HBEGF: variants seen among roughly 807,000 people sequenced by gnomAD.
HBEGF encodes proheparin-binding EGF-like growth factor.
HBEGF carries 8 observed loss-of-function variants against 19.5 expected under a neutral mutation model. That is an observed-to-expected ratio of 0.41 (90% confidence interval 0.24 to 0.74). HBEGF has a LOEUF of 0.74. HBEGF is among the 30% of genes least tolerant of loss of function. The probability of loss-of-function intolerance (pLI) is 0.32; values close to 1 mark genes in which losing one functional copy is unlikely to be tolerated. For synonymous variants in HBEGF, 97 were observed against 108.9 expected (o/e 0.89, Z 0.68); for missense variants, 207 against 256.9 (o/e 0.81, Z 1.33).
chr5:140,346,251 C>A lies in HBEGF; in HGVS notation c.46+32G>T. 6.3e-7 allele frequency: 1 copy of A among 1,590,650 alleles called. No individual in the cohort carries two copies. The highest frequency in any genetic ancestry group is 8.5e-7 in the Non-Finnish European group (1 of 1,169,902). On this transcript the variant is annotated intron_variant, in intron 1 of 5. Coordinates refer to ENST00000230990, the MANE Select transcript of HBEGF (RefSeq NM_001945.3). This position sits in a 1 kb window ranked among gnomAD's most constrained non-coding sequence, Gnocchi z 6.1. ...CCCCCAGCACAACGCCCCCATCCCC[C>A]CGATCTCCGGGGGCGTCGGCAGCCC...
At chr5:140,344,723 G>A (rs879519719) in intron 2 of HBEGF, among the ~76,000 whole-genome samples, 2 of 151,786 alleles carry the variant, frequency 1.3e-5, no homozygotes, top group Non-Finnish European at 2.9e-5. Flanking sequence ...CCAGAGCTTC[G>A]GGGAGAGCAA....
At chr5:140,338,654 T>G (rs561712698) in intron 3 of HBEGF, among the ~76,000 whole-genome samples, 6 of 152,314 alleles carry the variant, frequency 3.9e-5, no homozygotes, top group Middle Eastern at 6.8e-3. Flanking sequence ...CCCCTCCCTT[T>G]GCAGACAACT....
chr5:140,333,722 A>G lies in HBEGF; in HGVS notation c.*577T>C, dbSNP rs1420089083. ...ATAATTTAAGAGGCATTTACAAACAACAACAACAAAAATAGTTGTTATTTT... is the reference window on the plus strand; with the variant it reads ...ATAATTTAAGAGGCATTTACAAACAGCAACAACAAAAATAGTTGTTATTTT... On this transcript the variant is annotated 3_prime_UTR_variant, in exon 6 of 6. Transcript: ENST00000230990. 4.6e-5 allele frequency: 7 copies of G among 152,680 alleles called. No homozygotes were observed. The highest frequency in any genetic ancestry group is 1.0e-4 in the Non-Finnish European group (7 of 68,056). 9.5% of individuals were successfully genotyped at this position (152,680 alleles called of 1,614,324 possible). A position where few individuals can be genotyped will look rare whatever the true frequency, so the allele number is the denominator to read the frequency against.
chr5:140,345,976 G>T lies in HBEGF; in HGVS notation c.155C>A (p.Pro52His). 1 of 1,614,186 alleles carries T rather than the reference G, an allele frequency of 6.2e-7. No individual in the cohort carries two copies. Among genetic ancestry groups the T allele is most frequent in the Non-Finnish European group, 8.5e-7 (1 of 1,180,024 alleles). ...TTTCCGGTCCCGGCCGCCTCCTAGG[G>T]GTAGCAGCTGGTCCGTGGATACAGT... ...PPTVSTDQLL[P>H]LGGGRDRKVR... Residue 52 changes from proline to histidine, a missense_variant, in exon 2 of 6, where the codon CCC becomes CAC. This residue lies in a region of HBEGF where 127 missense variants were observed against 132.7 expected (regional missense o/e 0.96). Transcript: ENST00000230990.
rs952370052 is a variant in HBEGF, at chr5:140,334,016, C to T, written c.*283G>A. On this transcript the variant is annotated 3_prime_UTR_variant, in exon 6 of 6. Transcript: ENST00000230990. ...TCCAGAAGATAAGTGTTTAAACAAA[C>T]TTATGAGGGGAAGTGGGGTTTGGTG... 2.3e-4 allele frequency: 35 copies of T among 152,298 alleles called. No individual in the cohort carries two copies. The highest frequency in any genetic ancestry group is 8.2e-4 in the African/African-American group (34 of 41,314). 9.4% of individuals were successfully genotyped at this position (152,298 alleles called of 1,614,324 possible).
intron 2 of HBEGF, among the ~76,000 whole-genome samples, chr5:140,344,191 C>T (rs1338064850): frequency 6.6e-6 from 1 of 151,766 alleles, no homozygotes; most frequent in Non-Finnish European, 1.5e-5. Context: ...GTGACTTACT[C>T]AAGGTCATGC....
intron 3 of HBEGF, among the ~76,000 whole-genome samples, chr5:140,337,812 G>A (rs1222512906): frequency 1.3e-5 from 2 of 152,280 alleles, no homozygotes; most frequent in East Asian, 3.9e-4. Flanking sequence ...AGGCCTAAAA[G>A]CGACCCCTAT....
chr5:140,334,610 A>G, intron 5 of HBEGF, 48 bp downstream of exon 5: 1 of 1,301,192 alleles, frequency 7.7e-7, no homozygotes, highest in Admixed American at 1.7e-5. Context: ...ACAGCCAGGA[A>G]AGGGGACAAA....
At chr5:140,334,445 C>T (rs1029344151) in intron 5 of HBEGF, among the ~76,000 whole-genome samples, 165 bp from the exon 6 acceptor site, 2 of 152,126 alleles carry the variant, frequency 1.3e-5, no homozygotes, top group Non-Finnish European at 2.9e-5. Flanking sequence ...GTGGGAGAAG[C>T]TGTCCTCTCA....
intron 2 of HBEGF, among the ~76,000 whole-genome samples, chr5:140,345,252 T>C (rs1193690027): frequency 3.3e-5 from 5 of 152,208 alleles, no homozygotes; most frequent in Non-Finnish European, 7.3e-5. Flanking sequence ...AAGAGGCTGG[T>C]TGGAGGATCC....
chr5:140,333,587 GA>G lies in HBEGF; in HGVS notation c.*711del, dbSNP rs1766184946. ...TGGCACTAAGCCAGATTGTGGGGATGAGGAGTGGAGGGCCAGGAAATTGCCA... is the reference window on the plus strand; with the variant it reads ...TGGCACTAAGCCAGATTGTGGGGATGGGAGTGGAGGGCCAGGAAATTGCCA... On this transcript the variant is annotated 3_prime_UTR_variant, in exon 6 of 6. Transcript: ENST00000230990. 6.5e-6 allele frequency: 1 copy of G among 152,698 alleles called. No homozygotes were observed. Among genetic ancestry groups the G allele is most frequent in the Non-Finnish European group, 1.5e-5 (1 of 68,054 alleles). The allele number at this position is 152,698 out of a possible 1,614,324, so 9.5% of individuals were successfully genotyped here. A position where few individuals can be genotyped will look rare whatever the true frequency, so the allele number is the denominator to read the frequency against.
rs755056166 is a variant in HBEGF at position 140,335,944 on chromosome 5, G to A, written c.482C>T (p.Thr161Ile). ...ENRLYTYDHT[T>I]ILAVVAVVLS... ...CACCACAGCCACCACGGCCAGGATG[G>A]TTGTGTGGTCATAGGTATATAAGCG... Residue 161 changes from threonine to isoleucine, a missense_variant, in exon 4 of 6, where the codon ACC becomes ATC. Physicochemically the swap from Thr to Ile is moderately conservative, Grantham distance 89. Coordinates refer to ENST00000230990, the MANE Select transcript of HBEGF (RefSeq NM_001945.3). 1 of 1,614,162 alleles carries A rather than the reference G, an allele frequency of 6.2e-7. No individual in the cohort carries two copies. Among genetic ancestry groups the A allele is most frequent in the Admixed American group, 1.7e-5 (1 of 60,026 alleles).
At chr5:140,344,394 T>C (rs1387231538) in intron 2 of HBEGF, among the ~76,000 whole-genome samples, 2 of 152,094 alleles carry the variant, frequency 1.3e-5, no homozygotes, top group African/African-American at 4.8e-5. Flanking sequence ...GGGCAGTCAC[T>C]TAACTCCTCT....
At chr5:140,342,054 C>T (rs1199260738) in intron 3 of HBEGF, among the ~76,000 whole-genome samples, 2 of 152,216 alleles carry the variant, frequency 1.3e-5, no homozygotes, top group African/African-American at 4.8e-5. Flanking sequence ...AAGGCCAGTA[C>T]TCTCCATGTC....
intron 3 of HBEGF, 45 bp from the exon 4 acceptor site, chr5:140,336,072 C>A: frequency 6.3e-7 from 1 of 1,592,952 alleles, no homozygotes; most frequent in South Asian, 1.1e-5. Context: ...AGTGCTTTGG[C>A]CTCTCTTGGC....
At chr5:140,343,069 G>T in intron 2 of HBEGF, 1 of 453,990 alleles carries the variant, frequency 2.2e-6, no homozygotes, top group South Asian at 3.7e-5. Flanking sequence ...CTGTGTAAGA[G>T]CCTCATTCTC....
intron 3 of HBEGF, among the ~76,000 whole-genome samples, chr5:140,339,957 G>A (rs1308090316): frequency 6.6e-6 from 1 of 152,176 alleles, no homozygotes; most frequent in Admixed American, 6.5e-5. Context: ...AAGGGCAGGA[G>A]GCAGTAGGGG....
At chr5:140,334,562 C>T in intron 5 of HBEGF, 96 bp downstream of exon 5, 2 of 838,220 alleles carry the variant, frequency 2.4e-6, no homozygotes, top group Admixed American at 1.7e-5. Flanking sequence ...TAGCCTGGCC[C>T]CCAACCCCTA....
At chr5:140,336,436 G>A (rs1197593062) in intron 3 of HBEGF, among the ~76,000 whole-genome samples, 2 of 152,198 alleles carry the variant, frequency 1.3e-5, no homozygotes, top group Non-Finnish European at 2.9e-5. Context: ...GAGGGAATTC[G>A]TATCACTCCC....
Sources: allele counts gnomAD v4.1 joint callset (sites outside exome capture counted in the v4.1 genomes callset), GRCh38; gene constraint gnomAD v4.1.1; regional missense constraint gnomAD v4.1.1; non-coding constraint Gnocchi (gnomAD v3.1); transcripts MANE v1.5; gene names NCBI Gene and HGNC (gene_info 2026-07-23, HGNC 2026-07-21).